CNTN3: variants seen among roughly 807,000 people sequenced by gnomAD.
CNTN3 encodes the protein contactin 3, also known as contactin-3.
In CNTN3, 60 loss-of-function variants were observed where a neutral mutation model predicts 119.1. That is an observed-to-expected ratio of 0.50 (90% CI 0.41 to 0.62). The LOEUF is 0.62. Ranked by LOEUF, CNTN3 falls within the 20% of genes least tolerant of loss-of-function variation. CNTN3 has a pLI of 0.00. For synonymous variants in CNTN3, 450 were observed against 438.7 expected (o/e 1.03, Z -0.32); for missense variants, 1,101 against 1,242.4 (o/e 0.89, Z 1.71).
intron 20 of CNTN3, among the ~76,000 whole-genome samples, chr3:74,282,945 AC>A (rs1243596224): frequency 1.3e-5 from 2 of 152,304 alleles, no homozygotes; most frequent in East Asian, 3.9e-4. Flanking sequence ...CTACAGATCA[AC>A]CTAAAGACTC....
At chr3:74,370,119 T>G (rs1025114271) in intron 6 of CNTN3, 128 bp from the exon 7 acceptor site, 23 of 560,634 alleles carry the variant, frequency 4.1e-5, no homozygotes, top group Non-Finnish European at 6.3e-6. Context: ...TTAAATAAAA[T>G]TTAGTCTATG....
At chr3:74,377,468 T>A (rs904648517) in intron 5 of CNTN3, among the ~76,000 whole-genome samples, 1 of 152,190 alleles carries the variant, frequency 6.6e-6, no homozygotes, top group Non-Finnish European at 1.5e-5. Context: ...AAAATCTGTA[T>A]CAAATCAGCA....
At chr3:74,613,278 T>G (rs568757987) in intron 1 of CNTN3, among the ~76,000 whole-genome samples, 4 of 152,110 alleles carry the variant, frequency 2.6e-5, no homozygotes, top group African/African-American at 9.6e-5. Context: ...ACTTTTTTTT[T>G]TTTTTTTTTA....
At chr3:74,440,468 T>C (rs906670645) in intron 4 of CNTN3, among the ~76,000 whole-genome samples, 12 of 136,796 alleles carry the variant, frequency 8.8e-5, no homozygotes, top group Admixed American at 6.4e-4. Flanking sequence ...AACTTAAAGC[T>C]TAAAAAGCAA....
rs1048790245 is a variant in CNTN3, at chr3:74,263,675, T to A, written c.*726A>T. 1 of 152,098 alleles carries A rather than the reference T, an allele frequency of 6.6e-6. No individual in the cohort carries two copies. Among genetic ancestry groups the A allele is most frequent in the Non-Finnish European group, 1.5e-5 (1 of 67,992 alleles). The allele number at this position is 152,098 out of a possible 1,614,324, so 9.4% of individuals were successfully genotyped here. A position where few individuals can be genotyped will look rare whatever the true frequency, so the allele number is the denominator to read the frequency against. ...ATGCTAATATTTTGCATGGGTCAAT[T>A]GCATTTGGGGTGACAAAAGCACTTT... On this transcript the variant is annotated 3_prime_UTR_variant, in exon 23 of 23. Coordinates refer to ENST00000263665, the MANE Select transcript of CNTN3 (RefSeq NM_020872.3).
chr3:74,607,633 T>G (rs758568360), intron 1 of CNTN3, among the ~76,000 whole-genome samples: 37 of 152,150 alleles, frequency 2.4e-4, no homozygotes, highest in African/African-American at 8.2e-4. Context: ...AAATGTTATA[T>G]CCTGGCTTAT....
chr3:74,383,323 A>G (rs1485453607), intron 5 of CNTN3, among the ~76,000 whole-genome samples: 2 of 152,168 alleles, frequency 1.3e-5, no homozygotes, highest in Admixed American at 6.6e-5. Context: ...TCTAGTTACC[A>G]GCACACCATT....
chr3:74,589,117 A>C (rs1335519456), intron 1 of CNTN3, among the ~76,000 whole-genome samples: 42 of 151,572 alleles, frequency 2.8e-4, no homozygotes, highest in Admixed American at 5.9e-4. Context: ...GGATCTAATT[A>C]AACTAAAGAG....
At chr3:74,398,659 C>A (rs886928533) in intron 5 of CNTN3, among the ~76,000 whole-genome samples, 13 of 152,152 alleles carry the variant, frequency 8.5e-5, no homozygotes, top group African/African-American at 3.1e-4. Context: ...TTTAGATCAA[C>A]TTTTAAAATG....
intron 4 of CNTN3, among the ~76,000 whole-genome samples, chr3:74,465,770 G>A (rs961134362): frequency 6.6e-5 from 10 of 152,162 alleles, no homozygotes; most frequent in Admixed American, 5.2e-4. Flanking sequence ...GCTGTCCAGG[G>A]ATAGGCAGGG....
intron 19 of CNTN3, among the ~76,000 whole-genome samples, chr3:74,291,670 C>T (rs562804709): frequency 2.5e-4 from 38 of 152,190 alleles, no homozygotes; most frequent in Non-Finnish European, 4.3e-4. Context: ...TGAGCCACCG[C>T]GCCCAGCAGT....
At chr3:74,602,580 CA>C (rs951254266) in intron 1 of CNTN3, among the ~76,000 whole-genome samples, 5 of 152,116 alleles carry the variant, frequency 3.3e-5, no homozygotes, top group African/African-American at 1.2e-4. Flanking sequence ...AATAAAATCT[CA>C]GACTTCCAGT....
intron 4 of CNTN3, among the ~76,000 whole-genome samples, chr3:74,460,073 T>C (rs1036870877): frequency 3.3e-5 from 5 of 151,816 alleles, no homozygotes; most frequent in African/African-American, 1.2e-4. Flanking sequence ...GTTGAGAATA[T>C]ATGTGTGGGT....
intron 13 of CNTN3, among the ~76,000 whole-genome samples, chr3:74,331,058 T>C (rs1420207079): frequency 6.6e-6 from 1 of 152,162 alleles, no homozygotes; most frequent in African/African-American, 2.4e-5. Context: ...TTCTTATAAA[T>C]TGAGTGTATC....
chr3:74,469,452 T>C (rs1458815142), intron 4 of CNTN3, among the ~76,000 whole-genome samples: 1 of 152,190 alleles, frequency 6.6e-6, no homozygotes, highest in Non-Finnish European at 1.5e-5. Context: ...TGCATGTATC[T>C]GACAAGGGAC....
Position 74,545,988 on chromosome 3 carries a change from TTTTCC to T in CNTN3, c.-80-24801_-80-24797del, listed in dbSNP as rs746749359. On this transcript the variant is annotated intron_variant, in intron 1 of 22. Coordinates refer to ENST00000263665, the MANE Select transcript of CNTN3 (RefSeq NM_020872.3). Reference sequence around the variant, plus strand: ...TTAATTTGGTTTCATTTCTTGAACTTTTTCCTTTCTTTTTTTTTTCTTTTTGAAAT... The same window carrying T: ...TTAATTTGGTTTCATTTCTTGAACTTTTTCTTTTTTTTTTCTTTTTGAAAT... 2.0e-5 allele frequency among the ~76,000 whole-genome samples: 3 copies of T among 152,200 alleles called. No homozygotes were observed. The East Asian group carries it at 5.8e-4, about 29-fold the overall frequency.
chr3:74,275,047 G>T (rs923026673), intron 20 of CNTN3, among the ~76,000 whole-genome samples: 1 of 152,034 alleles, frequency 6.6e-6, no homozygotes, highest in African/African-American at 2.4e-5. Flanking sequence ...ACAAGTAGAA[G>T]AAAGAAATTC....
In CNTN3 at chr3:74,299,882, C is replaced by G; in HGVS notation, c.2152G>C (p.Val718Leu). 1 of 1,606,922 alleles carries G rather than the reference C, an allele frequency of 6.2e-7. No homozygotes were observed. Residue 718 changes from valine (V) to leucine (L), a missense_variant, in exon 17 of 23, where the codon GTG becomes CTG. By Grantham distance (32) the Val-to-Leu change is conservative. Transcript: ENST00000263665. The stretch of plus-strand genomic sequence containing the variant: ...CAAACACTTACATCCCAGGTTATCA[C>G]AAGTTCAGACCGGCTTCCGCCTCCT... ...NGGGGSRSEL[V>L]ITWDPVPEEL...
chr3:74,499,253 C>T (rs1180716019), intron 3 of CNTN3, among the ~76,000 whole-genome samples: 1 of 151,850 alleles, frequency 6.6e-6, no homozygotes, highest in Non-Finnish European at 1.5e-5. Context: ...TATTGAACCT[C>T]CAAGCACATA....
Sources: allele counts gnomAD v4.1 joint callset (sites outside exome capture counted in the v4.1 genomes callset), GRCh38; gene constraint gnomAD v4.1.1; transcripts MANE v1.5; gene names NCBI Gene and HGNC (gene_info 2026-07-23, HGNC 2026-07-21).